SMURF2: variants seen among roughly 807,000 people sequenced by gnomAD.
SMURF2 encodes the protein E3 ubiquitin-protein ligase SMURF2.
SMURF2 carries 48 observed loss-of-function variants against 109.6 expected under a neutral mutation model. That is an observed-to-expected ratio of 0.44 (90% CI 0.35 to 0.56). The LOEUF is 0.56. Ranked by LOEUF, SMURF2 falls within the 20% of genes least tolerant of loss-of-function variation. The pLI is 0.01. For synonymous variants in SMURF2, 288 were observed against 317.1 expected (o/e 0.91, Z 0.97); for missense variants, 575 against 909.0 (o/e 0.63, Z 4.72).
chr17:64,632,146 A>T (rs1462678380), intron 1 of SMURF2, among the ~76,000 whole-genome samples: 3 of 152,020 alleles, frequency 2.0e-5, no homozygotes, highest in Non-Finnish European at 4.4e-5. Context: ...TTTAGTAGAG[A>T]CGGGGTTTCA....
At chr17:64,655,252 CTTTTTTTTTT>C (rs749497302) in intron 1 of SMURF2, among the ~76,000 whole-genome samples, 3 of 85,902 alleles carry the variant, frequency 3.5e-5, no homozygotes, top group African/African-American at 1.6e-4. Context: ...AATGAAATGT[CTTTTTTTTTT>C]TTTTTTTTTT....
chr17:64,582,962 G>A (rs575950840), intron 7 of SMURF2, among the ~76,000 whole-genome samples: 3 of 150,034 alleles, frequency 2.0e-5, no homozygotes, highest in South Asian at 4.2e-4. Flanking sequence ...GCACGGGCAC[G>A]ATCTTGGCTC....
Position 64,620,659 on chromosome 17 carries a change from C to T in SMURF2, c.53-14019G>A, listed in dbSNP as rs187292914. Among the ~76,000 whole-genome samples, 85 of 152,274 alleles carry T rather than the reference C, an allele frequency of 5.6e-4. 1 individual carries two copies. In the Middle Eastern group the frequency reaches 0.014, roughly 24 times the overall value. On this transcript the variant is annotated intron_variant, in intron 1 of 18. Coordinates refer to ENST00000262435, the MANE Select transcript of SMURF2 (RefSeq NM_022739.4). ...AGTCTGATTTTGATCTCTTCCTTCCCGTGAACCTCCAACACTTGGATTCTA... is the reference window on the plus strand; with the variant it reads ...AGTCTGATTTTGATCTCTTCCTTCCTGTGAACCTCCAACACTTGGATTCTA...
chr17:64,662,249 G>A lies in SMURF2; in HGVS notation c.-369C>T. 1 of 983,494 alleles carries A rather than the reference G, an allele frequency of 1.0e-6. No homozygotes were observed. The highest frequency in any genetic ancestry group is 1.2e-6 in the Non-Finnish European group (1 of 829,196). The allele number at this position is 983,494 out of a possible 1,614,324, so 60.9% of individuals were successfully genotyped here. A position where few individuals can be genotyped will look rare whatever the true frequency, so the allele number is the denominator to read the frequency against. On this transcript the variant is annotated 5_prime_UTR_variant, in exon 1 of 19. Transcript: ENST00000262435. ...GGTCGGCTGAAGCGGGCGGTGCTCG[G>A]GGGCGCCGGAGCAGAACTCTGGGCT...
intron 5 of SMURF2, among the ~76,000 whole-genome samples, chr17:64,588,303 C>T (rs1274603427): frequency 1.3e-5 from 2 of 151,928 alleles, no homozygotes; most frequent in African/African-American, 4.8e-5. Context: ...AAAGTTTGTA[C>T]TCCTTGAATC....
chr17:64,652,309 C>T (rs1302330554), intron 1 of SMURF2, among the ~76,000 whole-genome samples: 4 of 152,070 alleles, frequency 2.6e-5, no homozygotes, highest in Admixed American at 1.3e-4. Context: ...ATTAAACAGC[C>T]GCTCCAAAGC....
At chr17:64,577,586 TAA>T (rs530564573) in intron 9 of SMURF2, among the ~76,000 whole-genome samples, 5 of 132,302 alleles carry the variant, frequency 3.8e-5, no homozygotes, top group East Asian at 2.1e-4. Context: ...AATAAAACAC[TAA>T]AAAAAAAAAA....
chr17:64,633,598 C>T (rs1352691541), intron 1 of SMURF2, among the ~76,000 whole-genome samples: 3 of 152,128 alleles, frequency 2.0e-5, no homozygotes, highest in African/African-American at 7.2e-5. Context: ...TTCCAGGATT[C>T]AACTAGCATC....
chr17:64,601,081 C>T (rs1349445391), intron 2 of SMURF2, among the ~76,000 whole-genome samples: 1 of 151,990 alleles, frequency 6.6e-6, no homozygotes, highest in Admixed American at 6.6e-5. Flanking sequence ...AGACCACCCC[C>T]CATCCCCCAC....
intron 1 of SMURF2, among the ~76,000 whole-genome samples, chr17:64,639,744 T>G (rs1970469918): frequency 6.6e-6 from 1 of 152,132 alleles, no homozygotes; most frequent in Non-Finnish European, 1.5e-5. Flanking sequence ...GAAGTTTAAG[T>G]CAGACTATAA....
intron 1 of SMURF2, among the ~76,000 whole-genome samples, chr17:64,613,797 A>G (rs1970084702): frequency 6.8e-6 from 1 of 146,924 alleles, no homozygotes; most frequent in South Asian, 2.2e-4. Flanking sequence ...ATTCAATCTC[A>G]TTACATTTAT....
chr17:64,655,238 T>C (rs1225709247), intron 1 of SMURF2, among the ~76,000 whole-genome samples: 2 of 139,200 alleles, frequency 1.4e-5, no homozygotes, highest in African/African-American at 5.3e-5. Context: ...CTAATGACAA[T>C]CCCAATGAAA....
At chr17:64,632,559 AAC>A (rs1415386495) in intron 1 of SMURF2, among the ~76,000 whole-genome samples, 1 of 152,236 alleles carries the variant, frequency 6.6e-6, no homozygotes, top group Non-Finnish European at 1.5e-5. Flanking sequence ...CTTAATTCAA[AAC>A]ACATAGTCAG....
intron 10 of SMURF2, among the ~76,000 whole-genome samples, chr17:64,568,178 C>T (rs1476637691): frequency 2.6e-5 from 4 of 151,544 alleles, no homozygotes; most frequent in African/African-American, 7.3e-5. Flanking sequence ...TTAGTAGAGA[C>T]GGGGTTTCAC....
At chr17:64,635,107 G>A (rs528889455) in intron 1 of SMURF2, among the ~76,000 whole-genome samples, 12 of 152,100 alleles carry the variant, frequency 7.9e-5, no homozygotes, top group African/African-American at 2.4e-4. Context: ...TGAGTGGATC[G>A]CTTGAGGCCA....
chr17:64,615,648 C>CA (rs1970110425), intron 1 of SMURF2, among the ~76,000 whole-genome samples: 1 of 152,060 alleles, frequency 6.6e-6, no homozygotes, highest in Non-Finnish European at 1.5e-5. Flanking sequence ...TTGCTTGAAA[C>CA]AAGAGTATTA....
At position 64,545,674 on chromosome 17, in the gene SMURF2, G is replaced by T; in HGVS notation, c.*174C>A. ...AAAGACCTTTTTTTTCCTTGAAAAGGAATTTCAAAATTGTCCTTTCCCCTC... is the reference window on the plus strand; with the variant it reads ...AAAGACCTTTTTTTTCCTTGAAAAGTAATTTCAAAATTGTCCTTTCCCCTC... On this transcript the variant is annotated 3_prime_UTR_variant, in exon 19 of 19. Coordinates refer to ENST00000262435, the MANE Select transcript of SMURF2 (RefSeq NM_022739.4). 1 of 420,010 alleles carries T rather than the reference G, an allele frequency of 2.4e-6. No homozygotes were observed. Among genetic ancestry groups the T allele is most frequent in the Non-Finnish European group, 4.1e-6 (1 of 243,528 alleles). 26.0% of individuals were successfully genotyped at this position (420,010 alleles called of 1,614,324 possible). A position where few individuals can be genotyped will look rare whatever the true frequency, so the allele number is the denominator to read the frequency against.
intron 2 of SMURF2, among the ~76,000 whole-genome samples, chr17:64,601,652 G>C (rs1969898204): frequency 6.6e-6 from 1 of 152,054 alleles, no homozygotes; most frequent in Non-Finnish European, 1.5e-5. Flanking sequence ...ATTCCTTAAA[G>C]AACTAAAAGT....
At chr17:64,610,770 A>T (rs1157887072) in intron 1 of SMURF2, among the ~76,000 whole-genome samples, 6 of 152,150 alleles carry the variant, frequency 3.9e-5, no homozygotes, top group African/African-American at 1.2e-4. Flanking sequence ...AAACATTTTT[A>T]AAAAGAACTG....
Sources: gnomAD v4.1 joint callset for allele counts (sites outside exome capture counted in the v4.1 genomes callset) on GRCh38, gnomAD v4.1.1 for gene constraint, MANE v1.5 for transcripts, NCBI Gene and HGNC (gene_info 2026-07-23, HGNC 2026-07-21) for gene names.